Variants in RASSF5 observed in about 807,000 individuals in gnomAD.
The protein encoded by RASSF5 is ras association domain-containing protein 5.
Under a neutral mutation model 40.5 loss-of-function variants are expected in RASSF5, and 25 were observed. The observed-to-expected ratio is 0.62, with a 90% CI of 0.45 to 0.86. RASSF5 has a LOEUF of 0.86. Among genes scored for constraint, RASSF5 ranks in the 40% least tolerant of loss-of-function variants. The probability of loss-of-function intolerance (pLI) is 0.00; values close to 1 mark genes in which losing one functional copy is unlikely to be tolerated. For synonymous variants in RASSF5, 246 were observed against 252.4 expected, an observed-to-expected ratio of 0.97 and a Z score of 0.24; for missense variants, 521 against 572.8, an observed-to-expected ratio of 0.91 and a Z score of 0.92.
rs1048906586 is a variant in RASSF5 at position 206,531,745 on chromosome 1, C to A, written c.458-6427C>A. Among the ~76,000 whole-genome samples the A allele has an allele frequency of 3.5e-4, 53 of 152,118 alleles. No individual in the cohort carries two copies. Among genetic ancestry groups the A allele is most frequent in the African/African-American group, 1.3e-3 (52 of 41,420 alleles). ...AGGATCAGGACAAGCTTTACACCTG[C>A]CCTTTTAAAACTTTGGTAAATTGAG... On this transcript the variant is annotated intron_variant, in intron 1 of 5. Transcript: ENST00000579436. This position sits in a 1 kb window ranked among gnomAD's most constrained non-coding sequence, Gnocchi z 4.7.
rs934131395 is a variant in RASSF5 at position 206,587,306 on chromosome 1, G to A, written c.*328G>A. 2.8e-5 allele frequency: 10 copies of A among 355,548 alleles called. No individual in the cohort carries two copies. Among genetic ancestry groups the A allele is most frequent in the South Asian group, 1.2e-4 (5 of 43,422 alleles). 22.0% of individuals were successfully genotyped at this position (355,548 alleles called of 1,614,324 possible). A position where few individuals can be genotyped will look rare whatever the true frequency, so the allele number is the denominator to read the frequency against. On this transcript the variant is annotated 3_prime_UTR_variant, in exon 6 of 6. Coordinates refer to ENST00000579436, the MANE Select transcript of RASSF5 (RefSeq NM_182663.4). The stretch of plus-strand genomic sequence containing the variant: ...ACCAAACTGGAACCTCACACCAGCC[G>A]GCAAAGGAAGGAAGAAAGGTTTTAG...
At chr1:206,521,019 A>G (rs1553396015) in intron 1 of RASSF5, among the ~76,000 whole-genome samples, 1 of 152,172 alleles carries the variant, frequency 6.6e-6, no homozygotes, top group Admixed American at 6.5e-5. Context: ...GGAGAGACAT[A>G]AACTCACAAA....
intron 2 of RASSF5, among the ~76,000 whole-genome samples, chr1:206,549,894 C>CCTTGGGTCATTT (rs1667788350): frequency 4.6e-5 from 7 of 152,200 alleles, no homozygotes; most frequent in Non-Finnish European, 1.0e-4. Context: ...GGTTCTTTCT[C>CCTTGGGTCATTT]TAGCCTTGGG....
In RASSF5 at chr1:206,584,882, TCAGGAAAACCACA is replaced by T. The variant is rs1377371986; in HGVS notation, c.988+200_988+212del. 22 of 630,682 alleles carry T rather than the reference TCAGGAAAACCACA, an allele frequency of 3.5e-5. No homozygotes were observed. The highest frequency in any genetic ancestry group is 5.5e-5 in the African/African-American group (3 of 54,326). 39.1% of individuals were successfully genotyped at this position (630,682 alleles called of 1,614,324 possible). A position where few individuals can be genotyped will look rare whatever the true frequency, so the allele number is the denominator to read the frequency against. ...AGAGTCCCTGACTCTGCATGTGACTTCAGGAAAACCACACCCTAGGCTCCCATTTCCTGATCTG... is the reference window on the plus strand; with the variant it reads ...AGAGTCCCTGACTCTGCATGTGACTTCCCTAGGCTCCCATTTCCTGATCTG... On this transcript the variant is annotated intron_variant, in intron 4 of 5. Coordinates refer to ENST00000579436, the MANE Select transcript of RASSF5 (RefSeq NM_182663.4). This position sits in a 1 kb window ranked among gnomAD's most constrained non-coding sequence, Gnocchi z 4.9.
chr1:206,534,373 T>A (rs1324742447), intron 1 of RASSF5, among the ~76,000 whole-genome samples: 1 of 152,122 alleles, frequency 6.6e-6, no homozygotes, highest in Non-Finnish European at 1.5e-5. Context: ...GGGGAAAGGA[T>A]CATTTGATTT....
chr1:206,542,648 G>A (rs116766892), intron 2 of RASSF5: 3,329 of 152,276 alleles, frequency 0.022, 128 homozygotes, highest in African/African-American at 0.073. Flanking sequence ...TCCCATGGCC[G>A]TTCCCAGACC....
intron 2 of RASSF5, among the ~76,000 whole-genome samples, chr1:206,548,670 T>C (rs1260320360): frequency 1.3e-5 from 2 of 152,198 alleles, no homozygotes; most frequent in Non-Finnish European, 1.5e-5. Context: ...TGGGTGTTCA[T>C]TGAGTTTGTT....
At position 206,507,852 on chromosome 1, in the gene RASSF5, C is replaced by T. The variant is rs1553394040; in HGVS notation, c.250C>T (p.Arg84Trp). The T allele has an allele frequency of 6.8e-7, 1 of 1,459,884 alleles. No homozygotes were observed. Among genetic ancestry groups the T allele is most frequent in the South Asian group, 1.3e-5 (1 of 75,502 alleles). 90.4% of individuals were successfully genotyped at this position (1,459,884 alleles called of 1,614,324 possible). A position where few individuals can be genotyped will look rare whatever the true frequency, so the allele number is the denominator to read the frequency against. ...GGCCTCCCGACCCGCTCGCCCGCTC[C>T]GGCCTGGTCTGCAGCAGAGACTGCG... Reference protein sequence around the residue: ...PRASRPARPLRPGLQQRLRRR... With the variant: ...PRASRPARPLWPGLQQRLRRR... Residue 84 changes from arginine (R) to tryptophan (W), a missense_variant, in exon 1 of 6, where the codon CGG (arginine) becomes TGG (tryptophan). By Grantham distance (101) the Arg-to-Trp change is moderately radical (BLOSUM62 -3). Coordinates refer to ENST00000579436, the MANE Select transcript of RASSF5 (RefSeq NM_182663.4).
intron 1 of RASSF5, among the ~76,000 whole-genome samples, chr1:206,516,252 A>C (rs1666741145): frequency 6.6e-6 from 1 of 152,140 alleles, no homozygotes; most frequent in Admixed American, 6.5e-5. Context: ...CAGTAGAAAA[A>C]TCTATCTAGT....
chr1:206,556,254 TCCCA>T, intron 2 of RASSF5, among the ~76,000 whole-genome samples: 2 of 152,254 alleles, frequency 1.3e-5, no homozygotes, highest in South Asian at 4.1e-4. Context: ...CAGGGCTGAG[TCCCA>T]GCACACGTGT....
Position 206,589,202 on chromosome 1 carries a change from A to C in RASSF5, c.*2224A>C, listed in dbSNP as rs1669261128. The C allele has an allele frequency of 6.5e-6, 1 of 152,702 alleles. No individual in the cohort carries two copies. Among genetic ancestry groups the C allele is most frequent in the Non-Finnish European group, 1.5e-5 (1 of 68,030 alleles). 9.5% of individuals were successfully genotyped at this position (152,702 alleles called of 1,614,324 possible). Reference sequence around the variant, plus strand: ...GCTCAGTGTGTAAGTGTTTGTTTCCAGGATATTTTCTTTTTAAATGTCTTT... The same window carrying C: ...GCTCAGTGTGTAAGTGTTTGTTTCCCGGATATTTTCTTTTTAAATGTCTTT... On this transcript the variant is annotated 3_prime_UTR_variant, in exon 6 of 6. Coordinates refer to ENST00000579436, the MANE Select transcript of RASSF5 (RefSeq NM_182663.4).
chr1:206,556,079 A>G (rs1381940269), intron 2 of RASSF5, among the ~76,000 whole-genome samples: 3 of 152,228 alleles, frequency 2.0e-5, no homozygotes, highest in Non-Finnish European at 4.4e-5. Flanking sequence ...ATGAGCCATC[A>G]GACTCCATGA....
chr1:206,581,826 G>T (rs568137394), intron 2 of RASSF5, among the ~76,000 whole-genome samples: 2 of 152,056 alleles, frequency 1.3e-5, no homozygotes, highest in Admixed American at 6.5e-5. Context: ...TCAGGGTGGC[G>T]TGTCTCCCAC....
intron 2 of RASSF5, among the ~76,000 whole-genome samples, chr1:206,554,303 T>C (rs1667923881): frequency 6.6e-6 from 1 of 152,194 alleles, no homozygotes; most frequent in African/African-American, 2.4e-5. Context: ...GAATACAAGC[T>C]CCTGACTTCC....
chr1:206,532,617 C>G (rs923123517), intron 1 of RASSF5, among the ~76,000 whole-genome samples: 6 of 152,216 alleles, frequency 3.9e-5, no homozygotes, highest in African/African-American at 1.4e-4. Context: ...TTCCCGGATT[C>G]AGAAGTTGTC....
Position 206,531,482 on chromosome 1 carries a change from G to A in RASSF5, c.458-6690G>A, listed in dbSNP as rs985657455. Reference sequence around the variant, plus strand: ...TGGGGGAGCTGGCAGGGTAGAGGCTGCAGGGTGAGGGTGCAGGGGGCTGGA... The same window carrying A: ...TGGGGGAGCTGGCAGGGTAGAGGCTACAGGGTGAGGGTGCAGGGGGCTGGA... On this transcript the variant is annotated intron_variant, in intron 1 of 5. Transcript: ENST00000579436. This position sits in a 1 kb window ranked among gnomAD's most constrained non-coding sequence, Gnocchi z 4.7. Among the ~76,000 whole-genome samples, 5 of 152,214 alleles carry A rather than the reference G, an allele frequency of 3.3e-5. No individual in the cohort carries two copies. The highest frequency in any genetic ancestry group is 5.9e-5 in the Non-Finnish European group (4 of 68,026).
Position 206,507,799 on chromosome 1 carries a change from C to A in RASSF5, c.197C>A (p.Ala66Asp). The change falls in exon 1 of 6, where the codon GCC becomes GAC. Residue 66 changes from alanine (A) to aspartate (D), a missense_variant. By Grantham distance (126) the Ala-to-Asp change is moderately radical. This residue lies in a region of RASSF5 where 237 missense variants were observed against 212.0 expected (regional missense o/e 1.12). Coordinates refer to ENST00000579436, the MANE Select transcript of RASSF5 (RefSeq NM_182663.4). ...AREGRSARRA[A>D]RGNLEPPPRA... ...GAGGGGCGCAGCGCCCGGAGGGCTG[C>A]CCGGGGGAACCTGGAGCCCCCGCCC... is the stretch of plus-strand genomic sequence containing the variant. 7.2e-7 allele frequency: 1 copy of A among 1,396,652 alleles called. No individual in the cohort carries two copies. The highest frequency in any genetic ancestry group is 1.5e-5 in the African/African-American group (1 of 66,084). The allele number at this position is 1,396,652 out of a possible 1,614,324, so 86.5% of individuals were successfully genotyped here.
chr1:206,557,689 C>T (rs1553401985), intron 2 of RASSF5: 1 of 1,614,146 alleles, frequency 6.2e-7, no homozygotes, highest in Non-Finnish European at 8.5e-7. Flanking sequence ...AAACATCTTT[C>T]AAAGGTAAAC....
intron 2 of RASSF5, among the ~76,000 whole-genome samples, chr1:206,561,396 G>GTT (rs1214047082): frequency 2.6e-5 from 4 of 152,192 alleles, no homozygotes; most frequent in African/African-American, 9.6e-5. Context: ...GCTGGGTCAG[G>GTT]TTTTGAAAGG....
Sources: gnomAD v4.1 joint callset for allele counts (sites outside exome capture counted in the v4.1 genomes callset) on GRCh38, gnomAD v4.1.1 for gene constraint, gnomAD v4.1.1 regional missense constraint, Gnocchi (gnomAD v3.1) non-coding constraint, MANE v1.5 for transcripts, NCBI Gene and HGNC (gene_info 2026-07-23, HGNC 2026-07-21) for gene names.